The following ARHGAP15 variants were observed in gnomAD, a reference collection of about 807,000 sequenced individuals.
ARHGAP15 encodes rho GTPase-activating protein 15.
A neutral mutation model predicts 63.7 loss-of-function variants in ARHGAP15; 51 were observed. The observed-to-expected ratio is 0.80, with a 90% CI of 0.64 to 1.01. The LOEUF is 1.01. Among genes scored for constraint, ARHGAP15 ranks in the 50% least tolerant of loss-of-function variants. The pLI is 0.00. For synonymous variants in ARHGAP15, 191 were observed against 193.8 expected (o/e 0.99, Z 0.12); for missense variants, 560 against 564.6 (o/e 0.99, Z 0.08).
chr2:143,732,376 G>A (rs918967448), intron 13 of ARHGAP15, among the ~76,000 whole-genome samples: 4 of 152,004 alleles, frequency 2.6e-5, no homozygotes, highest in African/African-American at 9.7e-5. Flanking sequence ...TATTGTCTTA[G>A]TCATTTTAAG....
chr2:143,562,319 C>G (rs1177522450), intron 11 of ARHGAP15, among the ~76,000 whole-genome samples: 2 of 152,048 alleles, frequency 1.3e-5, no homozygotes, highest in Admixed American at 1.3e-4. Flanking sequence ...ATGAAATAAG[C>G]AATTGGATGA....
intron 6 of ARHGAP15, among the ~76,000 whole-genome samples, chr2:143,339,364 C>A (rs1476462145): frequency 6.6e-6 from 1 of 152,098 alleles, no homozygotes; most frequent in Non-Finnish European, 1.5e-5. Context: ...AGATATTATT[C>A]ACAAATAGGG....
At chr2:143,723,682 C>A (rs969741815) in intron 13 of ARHGAP15, among the ~76,000 whole-genome samples, 1 of 152,188 alleles carries the variant, frequency 6.6e-6, no homozygotes, top group Non-Finnish European at 1.5e-5. Flanking sequence ...CATCGGTCAA[C>A]TTAACAAAAA....
chr2:143,181,113 A>G (rs75083553), intron 2 of ARHGAP15, among the ~76,000 whole-genome samples: 1,624 of 152,300 alleles, frequency 0.011, 34 homozygotes, highest in African/African-American at 0.037. Context: ...GACTAGCTGC[A>G]TTGTCAATGA....
intron 8 of ARHGAP15, among the ~76,000 whole-genome samples, chr2:143,462,127 T>C (rs1042434938): frequency 6.6e-6 from 1 of 152,058 alleles, no homozygotes; most frequent in African/African-American, 2.4e-5. Context: ...GCCTCTGCAC[T>C]CCAGCCTGGG....
chr2:143,304,587 A>G (rs897629848), intron 6 of ARHGAP15, among the ~76,000 whole-genome samples: 1 of 152,188 alleles, frequency 6.6e-6, no homozygotes, highest in African/African-American at 2.4e-5. Flanking sequence ...CATGTACCCT[A>G]CAACTTAAAG....
chr2:143,395,883 G>A (rs1687735842), intron 6 of ARHGAP15, among the ~76,000 whole-genome samples: 1 of 151,916 alleles, frequency 6.6e-6, no homozygotes, highest in African/African-American at 2.4e-5. Context: ...TGAACAGTGA[G>A]ATGCTATTGA....
chr2:143,636,487 C>T (rs1431694786), intron 12 of ARHGAP15, among the ~76,000 whole-genome samples: 1 of 152,112 alleles, frequency 6.6e-6, no homozygotes, highest in Non-Finnish European at 1.5e-5. Flanking sequence ...TGTCTGTAAG[C>T]TTGGATTTGT....
chr2:143,306,792 C>T (rs1048285205), intron 6 of ARHGAP15, among the ~76,000 whole-genome samples: 1 of 152,112 alleles, frequency 6.6e-6, no homozygotes, highest in Non-Finnish European at 1.5e-5. Flanking sequence ...CCATCCCTTT[C>T]CCCCAAATCC....
chr2:143,560,805 G>A (rs1382674096), intron 11 of ARHGAP15, among the ~76,000 whole-genome samples: 2 of 152,162 alleles, frequency 1.3e-5, no homozygotes, highest in East Asian at 1.9e-4. Context: ...ACTTTAACAC[G>A]CTATTCTGTT....
At chr2:143,474,956 A>G (rs1691742836) in intron 8 of ARHGAP15, among the ~76,000 whole-genome samples, 1 of 152,214 alleles carries the variant, frequency 6.6e-6, no homozygotes, top group Admixed American at 6.5e-5. Flanking sequence ...TGGAAGGAAG[A>G]GTTAATCCAA....
At chr2:143,270,436 C>T (rs999976844) in intron 6 of ARHGAP15, among the ~76,000 whole-genome samples, 1 of 152,102 alleles carries the variant, frequency 6.6e-6, no homozygotes, top group South Asian at 2.1e-4. Context: ...TTTGAAAGAA[C>T]TTCAATATTT....
intron 2 of ARHGAP15, among the ~76,000 whole-genome samples, chr2:143,176,531 C>T (rs534746144): frequency 6.6e-6 from 1 of 151,888 alleles, no homozygotes; most frequent in Non-Finnish European, 1.5e-5. Flanking sequence ...CTTTTGTCTT[C>T]TCTGTCATTT....
intron 3 of ARHGAP15, among the ~76,000 whole-genome samples, chr2:143,212,800 A>T (rs1376983329): frequency 1.3e-5 from 2 of 152,208 alleles, no homozygotes; most frequent in Non-Finnish European, 2.9e-5. Flanking sequence ...GCACACTATG[A>T]GGCTCCCAGA....
At chr2:143,203,515 T>C (rs931976746) in intron 3 of ARHGAP15, among the ~76,000 whole-genome samples, 9 of 152,150 alleles carry the variant, frequency 5.9e-5, no homozygotes, top group Non-Finnish European at 2.9e-5. Flanking sequence ...ATCAATTGCC[T>C]AGTGGGTACA....
At chr2:143,487,195 C>T (rs1248027023) in intron 8 of ARHGAP15, among the ~76,000 whole-genome samples, 178 bp from the exon 9 acceptor site, 2 of 152,186 alleles carry the variant, frequency 1.3e-5, no homozygotes, top group African/African-American at 4.8e-5. Flanking sequence ...GCTGCAACAA[C>T]AGGACTAATA....
At position 143,714,645 on chromosome 2, in the gene ARHGAP15, A is replaced by G. The variant is rs147020925; in HGVS notation, c.1244+11121A>G. Among the ~76,000 whole-genome samples, 907 of 152,266 alleles carry G rather than the reference A, an allele frequency of 6.0e-3. 7 individuals are homozygous for G. Among genetic ancestry groups the G allele is most frequent in the African/African-American group, 0.019 (799 of 41,558 alleles). On this transcript the variant is annotated intron_variant, in intron 13 of 13. Coordinates refer to ENST00000295095, the MANE Select transcript of ARHGAP15 (RefSeq NM_018460.4). Reference sequence around the variant, plus strand: ...TTTACAGCACCTAAGTCACCTTTTGAATGCTTTGCTGCTTAAGAATTTCTT... The same window carrying G: ...TTTACAGCACCTAAGTCACCTTTTGGATGCTTTGCTGCTTAAGAATTTCTT...
chr2:143,502,667 T>A (rs577429133), intron 9 of ARHGAP15, among the ~76,000 whole-genome samples: 1 of 151,946 alleles, frequency 6.6e-6, no homozygotes, highest in South Asian at 2.1e-4. Context: ...GCAACCTCCG[T>A]CTCCCAGGTT....
intron 6 of ARHGAP15, among the ~76,000 whole-genome samples, chr2:143,319,459 T>A (rs1402269313): frequency 6.6e-6 from 1 of 152,070 alleles, no homozygotes; most frequent in Non-Finnish European, 1.5e-5. Context: ...TGACCTCAGG[T>A]GATTCACCCG....
Sources: gnomAD v4.1 joint callset for allele counts (sites outside exome capture counted in the v4.1 genomes callset) on GRCh38, gnomAD v4.1.1 for gene constraint, MANE v1.5 for transcripts, NCBI Gene and HGNC (gene_info 2026-07-23, HGNC 2026-07-21) for gene names.